Variants in PDE6B observed in about 807,000 individuals in gnomAD.
PDE6B encodes the protein phosphodiesterase 6B.
A neutral mutation model predicts 109.0 loss-of-function variants in PDE6B; 106 were observed. The observed-to-expected ratio is 0.97, with a 90% CI of 0.83 to 1.14. The LOEUF is 1.14. PDE6B is among the 50% of genes most tolerant of loss of function. PDE6B has a pLI of 0.00. For synonymous variants in PDE6B, 490 were observed against 471.3 expected (o/e 1.04, Z -0.51); for missense variants, 1,193 against 1,155.6 (o/e 1.03, Z -0.47).
chr4:626,791 C>G lies in PDE6B; in HGVS notation c.468+697C>G, dbSNP rs996074092. Reference sequence around the variant, plus strand: ...AAGCCTGGGCTAGGGCAGACGCTTCCCGAGGACAGAGGCGGTCCTGGCGGG... The same window carrying G: ...AAGCCTGGGCTAGGGCAGACGCTTCGCGAGGACAGAGGCGGTCCTGGCGGG... On this transcript the variant is annotated intron_variant, in intron 1 of 21. Coordinates refer to ENST00000496514, the MANE Select transcript of PDE6B (RefSeq NM_000283.4). The surrounding 1 kb of genome is among the most constrained non-coding windows in gnomAD (Gnocchi z 4.6). Among the ~76,000 whole-genome samples, 1 of 152,214 alleles carries G rather than the reference C, an allele frequency of 6.6e-6. No individual in the cohort carries two copies. Among genetic ancestry groups the G allele is most frequent in the Non-Finnish European group, 1.5e-5 (1 of 68,040 alleles).
chr4:656,024 T>C lies in PDE6B; in HGVS notation c.1059+18T>C. 6.6e-7 allele frequency: 1 copy of C among 1,522,656 alleles called. No homozygotes were observed. Among genetic ancestry groups the C allele is most frequent in the Non-Finnish European group, 9.1e-7 (1 of 1,097,476 alleles). The allele number at this position is 1,522,656 out of a possible 1,614,324, so 94.3% of individuals were successfully genotyped here. A position where few individuals can be genotyped will look rare whatever the true frequency, so the allele number is the denominator to read the frequency against. ...GCGGCTTTGTGAGTCCCGTGCTGTC[T>C]GGAGTCCCCACAGCCTTGCCCTCAC... On this transcript the variant is annotated intron_variant, in intron 7 of 21. Coordinates refer to ENST00000496514, the MANE Select transcript of PDE6B (RefSeq NM_000283.4).
intron 6 of PDE6B, chr4:655,652 AGAG>A (rs563327290): frequency 1.3e-4 from 71 of 527,932 alleles, no homozygotes; most frequent in African/African-American, 1.3e-3. Context: ...CCTGGCACTC[AGAG>A]AAGAGAGTAA....
Position 664,139 on chromosome 4 carries a change from G to A in PDE6B, c.2047G>A (p.Val683Met). ...GAAGAGAGCGATGTTTCAGAAGATC[G>A]TGGATGAGTCCAAGAACTACCAGGA... is the stretch of plus-strand genomic sequence containing the variant. ...FKKRAMFQKI[V>M]DESKNYQDKK... Residue 683 changes from valine (V) to methionine (M), a missense_variant, in exon 17 of 22, where the codon GTG becomes ATG. Transcript: ENST00000496514. 1 of 1,610,902 alleles carries A rather than the reference G, an allele frequency of 6.2e-7. No individual in the cohort carries two copies. The highest frequency in any genetic ancestry group is 1.1e-5 in the South Asian group (1 of 91,034).
intron 1 of PDE6B, among the ~76,000 whole-genome samples, chr4:628,187 G>GAAGT (rs1734210644): frequency 6.6e-6 from 1 of 152,066 alleles, no homozygotes; most frequent in African/African-American, 2.4e-5. Flanking sequence ...AAATCCTCAT[G>GAAGT]AAGTGCAAAG....
intron 11 of PDE6B, among the ~76,000 whole-genome samples, 168 bp downstream of exon 11, chr4:659,185 G>A (rs769792289): frequency 6.6e-6 from 1 of 152,226 alleles, no homozygotes; most frequent in Non-Finnish European, 1.5e-5. Context: ...GTACGTGTGT[G>A]TACATAAGCC....
rs777216738 is a variant in PDE6B, at chr4:634,808, C to T, written c.600C>T (p.Phe200=). 28 of 1,613,978 alleles carry T rather than the reference C, an allele frequency of 1.7e-5. No individual in the cohort carries two copies. Among genetic ancestry groups the T allele is most frequent in the East Asian group, 2.2e-5 (1 of 44,858 alleles). The change falls in exon 2 of 22, where the codon TTC becomes TTT. Residue 200 remains phenylalanine (F), a synonymous_variant. Coordinates refer to ENST00000496514, the MANE Select transcript of PDE6B (RefSeq NM_000283.4). ...IMAVNKLNGP[F]FTSEDEDVFL... ...CAGTGAACAAGCTCAACGGCCCATT[C>T]TTCACCAGCGAAGACGAAGATGTGA... is the stretch of plus-strand genomic sequence containing the variant.
intron 2 of PDE6B, among the ~76,000 whole-genome samples, chr4:635,225 G>A (rs1282054914): frequency 2.2e-5 from 3 of 133,342 alleles, no homozygotes; most frequent in South Asian, 2.5e-4. Context: ...TGTGCTGCGT[G>A]TCCACCTCCT....
At chr4:651,763 G>A (rs1355895028) in intron 3 of PDE6B, 2 of 152,314 alleles carry the variant, frequency 1.3e-5, no homozygotes, top group African/African-American at 2.4e-5. Context: ...AGCAGGTGCC[G>A]GGGCTGTGGA....
intron 8 of PDE6B, 72 bp downstream of exon 8, chr4:656,364 G>C: frequency 4.7e-6 from 5 of 1,054,514 alleles, no homozygotes; most frequent in Non-Finnish European, 7.5e-6. Flanking sequence ...CGATGATGAA[G>C]TGAATTCGTT....
intron 1 of PDE6B, among the ~76,000 whole-genome samples, chr4:627,339 T>C (rs1734162304): frequency 6.6e-6 from 1 of 151,876 alleles, no homozygotes; most frequent in South Asian, 2.1e-4. Flanking sequence ...AGAGACAGAG[T>C]TTCGTCATGT....
chr4:658,691 C>G (rs570147627), intron 10 of PDE6B, among the ~76,000 whole-genome samples: 2 of 152,138 alleles, frequency 1.3e-5, no homozygotes, highest in African/African-American at 4.8e-5. Context: ...ATGGCCAGAG[C>G]CCTCCTGGTC....
chr4:644,257 C>T (rs1735093532), intron 3 of PDE6B, among the ~76,000 whole-genome samples: 1 of 151,910 alleles, frequency 6.6e-6, no homozygotes, highest in Non-Finnish European at 1.5e-5. Flanking sequence ...TCTGGCCCAT[C>T]TGTTATTTGG....
At position 670,286 on chromosome 4, in the gene PDE6B, A is replaced by G. The variant is rs1253574960; in HGVS notation, c.*179A>G. On this transcript the variant is annotated 3_prime_UTR_variant, in exon 22 of 22. Transcript: ENST00000496514. Reference sequence around the variant, plus strand: ...GAGATGGAGTCTTGCTCTGTCACCCAGGCTGGAGTGCCGTGGCACGATCTC... The same window carrying G: ...GAGATGGAGTCTTGCTCTGTCACCCGGGCTGGAGTGCCGTGGCACGATCTC... The G allele has an allele frequency of 1.2e-6, 1 of 855,152 alleles. No homozygotes were observed. Among genetic ancestry groups the G allele is most frequent in the Non-Finnish European group, 1.7e-6 (1 of 602,682 alleles). The allele number at this position is 855,152 out of a possible 1,614,324, so 53.0% of individuals were successfully genotyped here.
rs780369854 is a variant in PDE6B at position 663,884 on chromosome 4, G to A, written c.2021+14G>A. The A allele has an allele frequency of 5.1e-6, 8 of 1,582,262 alleles. No individual in the cohort carries two copies. The African/African-American group carries it at 5.5e-5, about 11-fold the overall frequency. On this transcript the variant is annotated intron_variant, in intron 16 of 21. Transcript: ENST00000496514. The surrounding 1 kb of genome is among the most constrained non-coding windows in gnomAD (Gnocchi z 4.0). ...CCTGTACTTCAAGTGCGCGCCTTCC[G>A]GGAGGGGGCGCCTCGCGGGGCGGGC...
chr4:657,528 G>A, intron 10 of PDE6B, 34 bp downstream of exon 10: 1 of 1,451,722 alleles, frequency 6.9e-7, no homozygotes, highest in Non-Finnish European at 9.6e-7. Context: ...GGGTCACCCA[G>A]GGGTCACGGC....
At chr4:656,065 G>A (rs1736199139) in intron 7 of PDE6B, 59 bp downstream of exon 7, 2 of 1,172,316 alleles carry the variant, frequency 1.7e-6, no homozygotes, top group Non-Finnish European at 1.3e-6. Context: ...GCGGCGATGT[G>A]TGCTTCTCCT....
At position 656,244 on chromosome 4, in the gene PDE6B, G is replaced by A. The variant is rs863223339; in HGVS notation, c.1060-1G>A. 1 of 1,593,634 alleles carries A rather than the reference G, an allele frequency of 6.3e-7. No individual in the cohort carries two copies. The highest frequency in any genetic ancestry group is 1.1e-5 in the South Asian group (1 of 90,648). On this transcript the variant is annotated splice_acceptor_variant, in intron 7 of 21. Coordinates refer to ENST00000496514, the MANE Select transcript of PDE6B (RefSeq NM_000283.4). LOFTEE classifies it high-confidence loss of function. ...AAATCGTTTTTCTGATGCTTTTTCA[G>A]ATTTGTAACATCATGAATGCTTCCG...
intron 3 of PDE6B, among the ~76,000 whole-genome samples, chr4:645,115 C>T (rs570162260): frequency 6.6e-6 from 1 of 152,016 alleles, no homozygotes; most frequent in Admixed American, 6.5e-5. Context: ...ATATAGCTAC[C>T]CCAGTGTCTT....
In PDE6B at chr4:664,269, C is replaced by T. The variant is rs761901092; in HGVS notation, c.2129+48C>T. ...CGAGGGGTCCTTCCCTCGCAGGGAC[C>T]GGGCCCACTCACCAGCTGGTTAACC... On this transcript the variant is annotated intron_variant, in intron 17 of 21. Coordinates refer to ENST00000496514, the MANE Select transcript of PDE6B (RefSeq NM_000283.4). 15 of 1,025,360 alleles carry T rather than the reference C, an allele frequency of 1.5e-5. No individual in the cohort carries two copies. In the East Asian group the frequency reaches 2.8e-4, roughly 19 times the overall value. 63.5% of individuals were successfully genotyped at this position (1,025,360 alleles called of 1,614,324 possible).
Sources: gnomAD v4.1 joint callset for allele counts (sites outside exome capture counted in the v4.1 genomes callset) on GRCh38, gnomAD v4.1.1 for gene constraint, Gnocchi (gnomAD v3.1) non-coding constraint, MANE v1.5 for transcripts, NCBI Gene and HGNC (gene_info 2026-07-23, HGNC 2026-07-21) for gene names.